TMTC1: variants seen among roughly 807,000 people sequenced by gnomAD.
The protein encoded by TMTC1 is protein O-mannosyl-transferase TMTC1.
In TMTC1, 73 loss-of-function variants were observed where a neutral mutation model predicts 104.8. The ratio of observed to expected loss-of-function variants is 0.70; its 90% CI spans 0.58 to 0.85. TMTC1 has a LOEUF of 0.85. TMTC1 is among the 40% of genes least tolerant of loss of function. The pLI is 0.00. For missense variants in TMTC1, 1,035 were observed against 1,096.1 expected, an observed-to-expected ratio of 0.94 and a Z score of 0.79; for synonymous variants, 434 against 428.7, an observed-to-expected ratio of 1.01 and a Z score of -0.15.
chr12:29,717,217 A>C (rs981169527), intron 5 of TMTC1, among the ~76,000 whole-genome samples: 1 of 152,346 alleles, frequency 6.6e-6, no homozygotes, highest in Non-Finnish European at 1.5e-5. Flanking sequence ...CTTTGTAAAT[A>C]CTGAGCATTT....
intron 10 of TMTC1, among the ~76,000 whole-genome samples, chr12:29,547,973 G>A (rs1433751631): frequency 6.6e-6 from 1 of 152,194 alleles, no homozygotes. Flanking sequence ...AGTAAAAGCT[G>A]GCAGAGCAGT....
At chr12:29,551,822 C>T (rs1189097082) in intron 10 of TMTC1, among the ~76,000 whole-genome samples, 1 of 150,130 alleles carries the variant, frequency 6.7e-6, no homozygotes, top group African/African-American at 2.5e-5. Flanking sequence ...AAATTCTAAC[C>T]AAAGCCAACA....
intron 5 of TMTC1, chr12:29,658,764 G>T: frequency 5.3e-6 from 1 of 187,930 alleles, no homozygotes; most frequent in South Asian, 1.1e-4. Flanking sequence ...GAACATCTAT[G>T]GGGTGCCTCT....
chr12:29,595,622 C>T (rs1339149234), intron 7 of TMTC1, among the ~76,000 whole-genome samples: 1 of 152,244 alleles, frequency 6.6e-6, no homozygotes, highest in African/African-American at 2.4e-5. Flanking sequence ...CTCACATCCT[C>T]TTCTGCCTTC....
chr12:29,601,838 CTT>C (rs546200177), intron 7 of TMTC1, among the ~76,000 whole-genome samples: 53 of 137,294 alleles, frequency 3.9e-4, no homozygotes, highest in South Asian at 4.6e-4. Context: ...ATAATCATCT[CTT>C]TTTTTTTTTT....
At chr12:29,705,953 G>C (rs1941729757) in intron 5 of TMTC1, among the ~76,000 whole-genome samples, 1 of 151,350 alleles carries the variant, frequency 6.6e-6, no homozygotes, top group South Asian at 2.1e-4. Flanking sequence ...AAAAAAAAAA[G>C]CATCATCTAA....
At chr12:29,680,467 G>A (rs1467368923) in intron 5 of TMTC1, among the ~76,000 whole-genome samples, 1 of 152,092 alleles carries the variant, frequency 6.6e-6, no homozygotes, top group Non-Finnish European at 1.5e-5. Flanking sequence ...AATTAATAAA[G>A]CCCTTTCCTT....
chr12:29,765,197 AT>A (rs1339384724), intron 2 of TMTC1, among the ~76,000 whole-genome samples: 2 of 152,034 alleles, frequency 1.3e-5, no homozygotes, highest in Non-Finnish European at 1.5e-5. Context: ...TATCTCTCTT[AT>A]TTTTTTCAAT....
At chr12:29,715,798 T>C (rs1297130785) in intron 5 of TMTC1, among the ~76,000 whole-genome samples, 2 of 152,014 alleles carry the variant, frequency 1.3e-5, no homozygotes, top group Non-Finnish European at 2.9e-5. Context: ...GAATGAGTGC[T>C]GAACAAAGGG....
intron 1 of TMTC1, among the ~76,000 whole-genome samples, chr12:29,779,386 C>T (rs1002228251): frequency 1.3e-5 from 2 of 152,238 alleles, no homozygotes; most frequent in Non-Finnish European, 2.9e-5. Context: ...AAAGCCACCA[C>T]ATCTTGGTAA....
intron 7 of TMTC1, among the ~76,000 whole-genome samples, chr12:29,595,948 T>A (rs1195731549): frequency 6.6e-6 from 1 of 152,164 alleles, no homozygotes; most frequent in Non-Finnish European, 1.5e-5. Context: ...AACGTTAGAA[T>A]CCTTCACTGA....
chr12:29,669,423 G>T (rs1228059193), intron 5 of TMTC1, among the ~76,000 whole-genome samples: 1 of 152,164 alleles, frequency 6.6e-6, no homozygotes, highest in Non-Finnish European at 1.5e-5. Flanking sequence ...TTCCAATAGT[G>T]CAGTGTTAGC....
At chr12:29,662,654 G>C (rs1381409151) in intron 5 of TMTC1, among the ~76,000 whole-genome samples, 2 of 124,362 alleles carry the variant, frequency 1.6e-5, no homozygotes, top group East Asian at 4.9e-4. Flanking sequence ...GTGACAGAGC[G>C]AGACTCCGTC....
rs576864128 is a variant in TMTC1, at chr12:29,600,119, TA to T, written c.1250+4058del. ...ATTCATGAAGATATGATTCCTGGGTTAAAAAAAAAAAACATTTTGAACATGT... is the reference window on the plus strand; with the variant it reads ...ATTCATGAAGATATGATTCCTGGGTTAAAAAAAAAAACATTTTGAACATGT... On this transcript the variant is annotated intron_variant, in intron 7 of 17. Coordinates refer to ENST00000539277, the MANE Select transcript of TMTC1 (RefSeq NM_001193451.2). 4.2e-3 allele frequency among the ~76,000 whole-genome samples: 584 copies of T among 139,796 alleles called. 1 individual carries two copies. The highest frequency in any genetic ancestry group is 6.7e-3 in the African/African-American group (256 of 38,114). The allele number at this position is 139,796 out of a possible 152,430, so 91.7% of individuals were successfully genotyped here.
At chr12:29,515,223 C>T (rs1049118781) in intron 15 of TMTC1, among the ~76,000 whole-genome samples, 3 of 152,000 alleles carry the variant, frequency 2.0e-5, no homozygotes, top group Non-Finnish European at 4.4e-5. Flanking sequence ...TTCATCTGGA[C>T]CACCCCACCA....
chr12:29,696,550 T>C (rs577885664), intron 5 of TMTC1, among the ~76,000 whole-genome samples: 1 of 152,204 alleles, frequency 6.6e-6, no homozygotes, highest in South Asian at 2.1e-4. Context: ...CTGGAAAGAT[T>C]TGAGGCAACA....
chr12:29,723,101 C>CT (rs1399004307), intron 5 of TMTC1, among the ~76,000 whole-genome samples: 2 of 151,722 alleles, frequency 1.3e-5, no homozygotes, highest in African/African-American at 2.4e-5. Flanking sequence ...AATAAGGAGT[C>CT]TAAGAAGATT....
chr12:29,762,471 G>T (rs539167334), intron 2 of TMTC1, among the ~76,000 whole-genome samples: 3 of 152,178 alleles, frequency 2.0e-5, no homozygotes, highest in Admixed American at 1.3e-4. Context: ...TTACTTTAAG[G>T]TTTACACGTA....
chr12:29,528,928 A>G (rs1592178294), intron 11 of TMTC1, among the ~76,000 whole-genome samples: 1 of 152,202 alleles, frequency 6.6e-6, no homozygotes, highest in East Asian at 1.9e-4. Context: ...AAAAATAGCG[A>G]GAATAGTGGC....
Sources: allele counts gnomAD v4.1 joint callset (sites outside exome capture counted in the v4.1 genomes callset), GRCh38; gene constraint gnomAD v4.1.1; transcripts MANE v1.5; gene names NCBI Gene and HGNC (gene_info 2026-07-23, HGNC 2026-07-21).